PTPN11: variants seen among roughly 807,000 people sequenced by gnomAD.
PTPN11 encodes the protein tyrosine-protein phosphatase non-receptor type 11.
Under a neutral mutation model 78.8 loss-of-function variants are expected in PTPN11, and 6 were observed. The ratio of observed to expected loss-of-function variants is 0.08; its 90% CI spans 0.04 to 0.15. PTPN11 has a LOEUF of 0.15. Ranked by LOEUF, PTPN11 falls within the 10% of genes least tolerant of loss-of-function variation. PTPN11 has a pLI of 1.00. For synonymous variants in PTPN11, 221 were observed against 263.5 expected (o/e 0.84, Z 1.56); for missense variants, 386 against 744.8 (o/e 0.52, Z 5.61).
intron 10 of PTPN11, among the ~76,000 whole-genome samples, chr12:112,484,482 G>C (rs2038644179): frequency 6.6e-6 from 1 of 152,192 alleles, no homozygotes; most frequent in Non-Finnish European, 1.5e-5. Context: ...CTCCTGGCCG[G>C]ATGAGGGGGA....
At chr12:112,476,030 C>T (rs564090891) in intron 7 of PTPN11, among the ~76,000 whole-genome samples, 2 of 152,158 alleles carry the variant, frequency 1.3e-5, no homozygotes, top group African/African-American at 2.4e-5. Flanking sequence ...GTCTTGACCT[C>T]CTGGGCCCAA....
intron 9 of PTPN11, among the ~76,000 whole-genome samples, chr12:112,479,576 G>C (rs1471632856): frequency 2.0e-5 from 3 of 152,182 alleles, no homozygotes; most frequent in Admixed American, 6.5e-5. Context: ...GGTAACATTA[G>C]GTGTTCTTGA....
At chr12:112,480,425 G>C (rs1236506773) in intron 9 of PTPN11, among the ~76,000 whole-genome samples, 3 of 148,122 alleles carry the variant, frequency 2.0e-5, no homozygotes, top group Non-Finnish European at 4.4e-5. Context: ...GCAGTGCAGT[G>C]GCACTATCTT....
intron 6 of PTPN11, 97 bp downstream of exon 6, chr12:112,456,160 T>A: frequency 1.2e-6 from 1 of 804,926 alleles, no homozygotes; most frequent in Non-Finnish European, 2.1e-6. Context: ...CTGAGAGACT[T>A]GAAACTGACG....
chr12:112,499,490 C>T (rs1197681325), intron 13 of PTPN11, among the ~76,000 whole-genome samples: 2 of 151,968 alleles, frequency 1.3e-5, no homozygotes, highest in Non-Finnish European at 2.9e-5. Flanking sequence ...CAGGTCTGCA[C>T]CACCACGCCT....
At chr12:112,492,618 C>T (rs1015420017) in intron 13 of PTPN11, among the ~76,000 whole-genome samples, 2 of 151,406 alleles carry the variant, frequency 1.3e-5, no homozygotes, top group East Asian at 2.0e-4. Flanking sequence ...CCCGGGTTGA[C>T]GCCATTCTCC....
At chr12:112,461,285 C>T (rs548376081) in intron 6 of PTPN11, among the ~76,000 whole-genome samples, 6 of 150,732 alleles carry the variant, frequency 4.0e-5, no homozygotes, top group African/African-American at 9.7e-5. Flanking sequence ...AAAAGCTTTT[C>T]ATCGCCGAGG....
intron 1 of PTPN11, among the ~76,000 whole-genome samples, chr12:112,439,824 A>T (rs559523730): frequency 1.3e-5 from 2 of 151,678 alleles, no homozygotes; most frequent in Non-Finnish European, 2.9e-5. Flanking sequence ...CCCAAACCAT[A>T]AACCCAATAT....
Position 112,504,655 on chromosome 12 carries a change from T to C in PTPN11, c.1713-40T>C, listed in dbSNP as rs757906677. The C allele has an allele frequency of 7.0e-7, 1 of 1,437,378 alleles. No individual in the cohort carries two copies. The highest frequency in any genetic ancestry group is 9.7e-7 in the Non-Finnish European group (1 of 1,025,884). The allele number at this position is 1,437,378 out of a possible 1,614,324, so 89.0% of individuals were successfully genotyped here. On this transcript the variant is annotated intron_variant, in intron 14 of 15. Transcript: ENST00000351677. This position sits in a 1 kb window ranked among gnomAD's most constrained non-coding sequence, Gnocchi z 4.7. ...TCATGTAAGCTTAAACAGCGTGGTC[T>C]ACATTTTTGTAAATGTCTTTCTTTT...
At chr12:112,450,226 T>G in intron 2 of PTPN11, 92 bp from the exon 3 acceptor site, 1 of 1,211,920 alleles carries the variant, frequency 8.3e-7, no homozygotes. Context: ...TTTCAACACT[T>G]AGGTAAAATC....
intron 13 of PTPN11, among the ~76,000 whole-genome samples, chr12:112,489,948 A>C (rs1237344110): frequency 6.6e-6 from 1 of 152,222 alleles, no homozygotes; most frequent in African/African-American, 2.4e-5. Context: ...AGCCTAGCAG[A>C]ACAGCAGCCA....
At position 112,461,547 on chromosome 12, in the gene PTPN11, GA is replaced by G. The variant is rs1478865520; in HGVS notation, c.756+5486del. Reference sequence around the variant, plus strand: ...TCACTTTATTTCCCAGGCTGGTCTTGAATGTCTGGGCTCAAGCAATCTTTCT... The same window carrying G: ...TCACTTTATTTCCCAGGCTGGTCTTGATGTCTGGGCTCAAGCAATCTTTCT... On this transcript the variant is annotated intron_variant, in intron 6 of 15. Transcript: ENST00000351677. 2.6e-5 allele frequency among the ~76,000 whole-genome samples: 4 copies of G among 152,022 alleles called. No individual in the cohort carries two copies. The East Asian group carries it at 7.7e-4, about 29-fold the overall frequency.
In PTPN11 at chr12:112,453,488, T is replaced by TTTTATTTA. The variant is rs141468112; in HGVS notation, c.525+125_525+132dup. The TTTTATTTA allele has an allele frequency of 5.2e-3, 4,551 of 871,152 alleles. 28 individuals carry two copies. The highest frequency in any genetic ancestry group is 8.7e-3 in the Middle Eastern group (25 of 2,876). 54.0% of individuals were successfully genotyped at this position (871,152 alleles called of 1,614,324 possible). A position where few individuals can be genotyped will look rare whatever the true frequency, so the allele number is the denominator to read the frequency against. On this transcript the variant is annotated intron_variant, in intron 4 of 15. Coordinates refer to ENST00000351677, the MANE Select transcript of PTPN11 (RefSeq NM_002834.5). ...CCATTACATTCAAAGTCAGATTGTC[T>TTTTATTTA]TTTATTTATTTATTTATTTATTTAT...
chr12:112,499,414 A>G (rs2038847994), intron 13 of PTPN11, among the ~76,000 whole-genome samples: 1 of 151,988 alleles, frequency 6.6e-6, no homozygotes, highest in Admixed American at 6.6e-5. Flanking sequence ...GTCTTGGCTC[A>G]CTGCGACCTC....
intron 4 of PTPN11, among the ~76,000 whole-genome samples, chr12:112,454,080 T>C (rs1232879769): frequency 6.6e-6 from 1 of 152,106 alleles, no homozygotes; most frequent in Non-Finnish European, 1.5e-5. Flanking sequence ...CTTGAGTATA[T>C]TGAGTATATT....
intron 7 of PTPN11, among the ~76,000 whole-genome samples, chr12:112,475,440 A>T (rs2038486047): frequency 6.6e-6 from 1 of 150,740 alleles, no homozygotes; most frequent in Non-Finnish European, 1.5e-5. Flanking sequence ...GTATATAGAG[A>T]TGGGGGGTCT....
intron 1 of PTPN11, among the ~76,000 whole-genome samples, chr12:112,434,424 A>G (rs2037758440): frequency 6.6e-6 from 1 of 152,056 alleles, no homozygotes; most frequent in Admixed American, 6.6e-5. Flanking sequence ...CCTGGCCAAC[A>G]TGGTGAAACC....
intron 13 of PTPN11, among the ~76,000 whole-genome samples, chr12:112,496,104 C>T (rs2038810796): frequency 6.6e-6 from 1 of 152,156 alleles, no homozygotes; most frequent in Non-Finnish European, 1.5e-5. Flanking sequence ...TGTTCCTTCT[C>T]TCCATTTATT....
intron 3 of PTPN11, among the ~76,000 whole-genome samples, chr12:112,451,071 C>G (rs949441838): frequency 6.6e-6 from 1 of 152,170 alleles, no homozygotes; most frequent in African/African-American, 2.4e-5. Flanking sequence ...TGGAACTAGG[C>G]TGATGAAAGC....
Sources: allele counts gnomAD v4.1 joint callset (sites outside exome capture counted in the v4.1 genomes callset), GRCh38; gene constraint gnomAD v4.1.1; non-coding constraint Gnocchi (gnomAD v3.1); transcripts MANE v1.5; gene names NCBI Gene and HGNC (gene_info 2026-07-23, HGNC 2026-07-21).